Variants in ARFGEF3 observed in about 807,000 individuals in gnomAD.
The protein encoded by ARFGEF3 is ARFGEF family member 3.
In ARFGEF3, 96 loss-of-function variants were observed where a neutral mutation model predicts 221.7. That is an observed-to-expected ratio of 0.43 (90% CI 0.37 to 0.51). ARFGEF3 has a LOEUF of 0.51. ARFGEF3 is among the 20% of genes least tolerant of loss of function. The probability of loss-of-function intolerance (pLI) is 0.00; values close to 1 mark genes in which losing one functional copy is unlikely to be tolerated. For missense variants in ARFGEF3, 2,410 were observed against 2,789.9 expected, an observed-to-expected ratio of 0.86 and a Z score of 3.07; for synonymous variants, 1,145 against 1,126.8, an observed-to-expected ratio of 1.02 and a Z score of -0.32.
At chr6:138,320,259 C>G (rs762732540) in intron 28 of ARFGEF3, among the ~76,000 whole-genome samples, 13 of 152,120 alleles carry the variant, frequency 8.5e-5, no homozygotes, top group Non-Finnish European at 1.6e-4. Flanking sequence ...AGCCTGTCAC[C>G]CTGCTTCATC....
intron 4 of ARFGEF3, among the ~76,000 whole-genome samples, chr6:138,225,137 C>T (rs535838419): frequency 1.4e-4 from 21 of 152,268 alleles, no homozygotes; most frequent in African/African-American, 5.1e-4. Flanking sequence ...GATCTGTCTT[C>T]GACATCATCT....
At chr6:138,322,912 A>T (rs186011087) in intron 29 of ARFGEF3, among the ~76,000 whole-genome samples, 1 of 152,014 alleles carries the variant, frequency 6.6e-6, no homozygotes, top group Non-Finnish European at 1.5e-5. Context: ...CACATGAAAA[A>T]TGGTGACAGT....
intron 4 of ARFGEF3, among the ~76,000 whole-genome samples, chr6:138,215,576 G>A (rs1410413898): frequency 6.6e-6 from 1 of 152,124 alleles, no homozygotes. Flanking sequence ...TTAAACCTGT[G>A]CTCTTAAGTG....
At chr6:138,318,714 A>C (rs1361011581) in intron 27 of ARFGEF3, among the ~76,000 whole-genome samples, 4 of 152,194 alleles carry the variant, frequency 2.6e-5, no homozygotes, top group Admixed American at 2.6e-4. Context: ...TTCCATGTTT[A>C]TTATAAAATG....
intron 33 of ARFGEF3, among the ~76,000 whole-genome samples, 183 bp downstream of exon 33, chr6:138,335,371 A>G (rs904872821): frequency 2.0e-5 from 3 of 152,156 alleles, no homozygotes; most frequent in Non-Finnish European, 4.4e-5. Context: ...CAGGATCAGT[A>G]TGTCATTATG....
At chr6:138,218,644 G>T (rs1777921553) in intron 4 of ARFGEF3, among the ~76,000 whole-genome samples, 1 of 152,188 alleles carries the variant, frequency 6.6e-6, no homozygotes, top group African/African-American at 2.4e-5. Flanking sequence ...AATCAGGTTG[G>T]CTGTAGCCCT....
intron 27 of ARFGEF3, 69 bp from the exon 28 acceptor site, chr6:138,319,634 A>G (rs545541637): frequency 8.9e-7 from 1 of 1,122,114 alleles, no homozygotes; most frequent in Admixed American, 2.4e-5. Flanking sequence ...AGAGATCAAC[A>G]ATGCCAGGTG....
intron 6 of ARFGEF3, among the ~76,000 whole-genome samples, chr6:138,241,055 G>A (rs542031796): frequency 4.6e-5 from 7 of 152,272 alleles, no homozygotes; most frequent in Admixed American, 3.3e-4. Flanking sequence ...TGCTACTAGC[G>A]TTATGCATTA....
rs771470869 is a variant in ARFGEF3, at chr6:138,307,300, C to G, written c.3876C>G (p.Ile1292Met). 5.6e-6 allele frequency: 9 copies of G among 1,613,982 alleles called. No homozygotes were observed. In the South Asian group the frequency reaches 7.7e-5, roughly 14 times the overall value. The change falls in exon 23 of 34, where the codon ATC becomes ATG. Residue 1292 changes from isoleucine to methionine, a missense_variant. Ile to Met is a conservative substitution (Grantham distance 10, BLOSUM62 1). This residue lies in a region of ARFGEF3 where 723 missense variants were observed against 991.9 expected (regional missense o/e 0.73). Transcript: ENST00000251691. ...TGGTTGAAGTGTGTTCCACGCAGAT[C>G]CAGTCGGGATGGAGACCCTTGTTCA... Reference protein sequence around the residue: ...GELVEVCSTQIQSGWRPLFSA... With the variant: ...GELVEVCSTQMQSGWRPLFSA...
chr6:138,168,413 G>T (rs1037046650), intron 1 of ARFGEF3, among the ~76,000 whole-genome samples: 1 of 152,208 alleles, frequency 6.6e-6, no homozygotes, highest in Admixed American at 6.5e-5. Flanking sequence ...GGGCTGGAGC[G>T]ACGGGAGAGA....
At chr6:138,265,416 T>C (rs1778875834) in intron 12 of ARFGEF3, among the ~76,000 whole-genome samples, 1 of 152,230 alleles carries the variant, frequency 6.6e-6, no homozygotes, top group Non-Finnish European at 1.5e-5. Context: ...TTTTCCTCAA[T>C]ATTTTTTCTT....
At chr6:138,221,813 A>G (rs1324525648) in intron 4 of ARFGEF3, among the ~76,000 whole-genome samples, 1 of 152,198 alleles carries the variant, frequency 6.6e-6, no homozygotes, top group Admixed American at 6.5e-5. Flanking sequence ...TAAACCAATG[A>G]GGAATTTGAA....
intron 2 of ARFGEF3, among the ~76,000 whole-genome samples, chr6:138,172,304 A>G (rs563321350): frequency 5.9e-4 from 90 of 152,226 alleles, no homozygotes; most frequent in Non-Finnish European, 1.0e-3. Context: ...CCCAACTTCT[A>G]TAAGTCTCCT....
intron 3 of ARFGEF3, among the ~76,000 whole-genome samples, chr6:138,208,182 C>A (rs1777657825): frequency 6.6e-6 from 1 of 152,012 alleles, no homozygotes. Flanking sequence ...AATTGCAGTG[C>A]CATATTTTCA....
chr6:138,300,155 A>G (rs543709334), intron 22 of ARFGEF3, among the ~76,000 whole-genome samples: 89 of 152,258 alleles, frequency 5.8e-4, no homozygotes, highest in Non-Finnish European at 1.0e-3. Context: ...AAATATTGGT[A>G]TCTTCCATGC....
rs752936254 is a variant in ARFGEF3 at position 138,238,646 on chromosome 6, C to A, written c.543+15C>A. ...AGGAGAATACGGTGAGTCTGTGACACCCCCATGTTCATCACCTTCCTGGTG... is the reference window on the plus strand; with the variant it reads ...AGGAGAATACGGTGAGTCTGTGACAACCCCATGTTCATCACCTTCCTGGTG... On this transcript the variant is annotated intron_variant, in intron 6 of 33. Coordinates refer to ENST00000251691, the MANE Select transcript of ARFGEF3 (RefSeq NM_020340.5). 16 of 1,611,400 alleles carry A rather than the reference C, an allele frequency of 9.9e-6. No homozygotes were observed. Among genetic ancestry groups the A allele is most frequent in the Non-Finnish European group, 1.4e-5 (16 of 1,178,514 alleles).
chr6:138,238,941 A>C (rs1305116150), intron 6 of ARFGEF3, among the ~76,000 whole-genome samples: 2 of 152,212 alleles, frequency 1.3e-5, no homozygotes, highest in Non-Finnish European at 2.9e-5. Context: ...ATACACTAAC[A>C]AATATTGGAA....
At chr6:138,191,845 G>A (rs2114469015) in intron 2 of ARFGEF3, among the ~76,000 whole-genome samples, 1 of 152,210 alleles carries the variant, frequency 6.6e-6, no homozygotes, top group Non-Finnish European at 1.5e-5. Flanking sequence ...ACACCTAAAT[G>A]CACTTTCAGC....
intron 5 of ARFGEF3, among the ~76,000 whole-genome samples, chr6:138,230,404 G>T (rs1232821289): frequency 6.6e-6 from 1 of 152,124 alleles, no homozygotes; most frequent in Non-Finnish European, 1.5e-5. Flanking sequence ...TGAATGCCTG[G>T]CATATGTCTT....
Sources: allele counts gnomAD v4.1 joint callset (sites outside exome capture counted in the v4.1 genomes callset), GRCh38; gene constraint gnomAD v4.1.1; regional missense constraint gnomAD v4.1.1; transcripts MANE v1.5; gene names NCBI Gene and HGNC (gene_info 2026-07-23, HGNC 2026-07-21).